CDH12: variants seen among roughly 807,000 people sequenced by gnomAD.
CDH12 encodes the protein cadherin-12.
Under a neutral mutation model 74.1 loss-of-function variants are expected in CDH12, and 41 were observed. The observed-to-expected ratio is 0.55, with a 90% CI of 0.43 to 0.72. CDH12 has a LOEUF of 0.72. Ranked by LOEUF, CDH12 falls within the 30% of genes least tolerant of loss-of-function variation. CDH12 has a pLI of 0.00. For synonymous variants in CDH12, 399 were observed against 355.0 expected (o/e 1.12, Z -1.39); for missense variants, 945 against 977.2 (o/e 0.97, Z 0.44).
intron 1 of CDH12, among the ~76,000 whole-genome samples, chr5:22,583,684 G>A (rs1284387046): frequency 1.3e-5 from 2 of 152,114 alleles, no homozygotes; most frequent in Middle Eastern, 3.2e-3. Flanking sequence ...ATTTTGAAAG[G>A]AGAATAAAAG....
Position 22,479,274 on chromosome 5 carries a change from C to T in CDH12, c.-428+25996G>A, listed in dbSNP as rs533370959. 1.3e-4 allele frequency among the ~76,000 whole-genome samples: 20 copies of T among 152,298 alleles called. 1 individual carries two copies. The South Asian group carries it at 2.9e-3, about 22-fold the overall frequency. The stretch of plus-strand genomic sequence containing the variant: ...ATTTTTGCATTCTTAATTTTGGTAA[C>T]AGTTCCTAGTGGACTATAACAAGTA... On this transcript the variant is annotated intron_variant, in intron 2 of 14. Transcript: ENST00000382254.
At chr5:22,743,072 A>T (rs1745108383) in intron 1 of CDH12, among the ~76,000 whole-genome samples, 1 of 151,434 alleles carries the variant, frequency 6.6e-6, no homozygotes, top group Non-Finnish European at 1.5e-5. Context: ...TCAAACCAAA[A>T]TATTAGCTCT....
At chr5:22,358,615 T>G (rs753708576) in intron 3 of CDH12, among the ~76,000 whole-genome samples, 12 of 152,206 alleles carry the variant, frequency 7.9e-5, no homozygotes, top group Non-Finnish European at 1.3e-4. Context: ...ATATATTCCT[T>G]TCCAAATGTG....
intron 6 of CDH12, among the ~76,000 whole-genome samples, chr5:21,922,938 G>GTATCTA (rs10644202): frequency 0.46 from 66,621 of 145,678 alleles, 15,486 homozygotes; most frequent in Admixed American, 0.51. Context: ...GTGTGTATGT[G>GTATCTA]TATCTATATC....
At chr5:22,850,749 C>T (rs938367587) in intron 1 of CDH12, among the ~76,000 whole-genome samples, 2 of 152,078 alleles carry the variant, frequency 1.3e-5, no homozygotes, top group Non-Finnish European at 2.9e-5. Context: ...AAGAAATTTA[C>T]AACAGAGTCT....
At chr5:21,763,982 C>G (rs1261885651) in intron 12 of CDH12, among the ~76,000 whole-genome samples, 2 of 152,096 alleles carry the variant, frequency 1.3e-5, no homozygotes, top group Non-Finnish European at 2.9e-5. Flanking sequence ...ATTTGTTGTG[C>G]AACTAATACA....
intron 3 of CDH12, among the ~76,000 whole-genome samples, chr5:22,387,652 G>A (rs1043124586): frequency 1.3e-5 from 2 of 152,144 alleles, no homozygotes; most frequent in Admixed American, 6.5e-5. Context: ...AATAGCACTG[G>A]ATTTAAGCAG....
chr5:21,898,571 G>A (rs911498225), intron 6 of CDH12, among the ~76,000 whole-genome samples: 4 of 151,934 alleles, frequency 2.6e-5, no homozygotes, highest in East Asian at 3.9e-4. Context: ...GCGTGGTGGC[G>A]GGCGCCTATA....
intron 4 of CDH12, among the ~76,000 whole-genome samples, chr5:22,147,587 C>T (rs1747279582): frequency 1.6e-5 from 2 of 127,544 alleles, no homozygotes; most frequent in South Asian, 2.3e-4. Context: ...GGTAGTTTAT[C>T]TTAAAAAAAA....
At chr5:22,657,727 C>T (rs190733029) in intron 1 of CDH12, among the ~76,000 whole-genome samples, 3 of 152,178 alleles carry the variant, frequency 2.0e-5, no homozygotes, top group African/African-American at 4.8e-5. Flanking sequence ...TATAAACTCA[C>T]GTGCTTTCAA....
At chr5:22,463,829 A>T (rs2662509) in intron 2 of CDH12, among the ~76,000 whole-genome samples, 65,063 of 151,976 alleles carry the variant, frequency 0.43, 14,391 homozygotes, top group Admixed American at 0.61. Context: ...GATAATTTTT[A>T]AAAACCCTAT....
In CDH12 at chr5:22,009,006, G is replaced by T. The variant is rs146819504; in HGVS notation, c.232-33621C>A. ...GTCTCATTTAGGGGTGCTAATCTAA[G>T]CTCTACCTGGACTATGTGGCCATAG... On this transcript the variant is annotated intron_variant, in intron 5 of 14. Transcript: ENST00000382254. Among the ~76,000 whole-genome samples the T allele has an allele frequency of 6.6e-5, 10 of 152,258 alleles. No homozygotes were observed. The East Asian group carries it at 1.5e-3, about 24-fold the overall frequency.
chr5:22,471,895 G>A (rs910857110), intron 2 of CDH12, among the ~76,000 whole-genome samples: 2 of 152,166 alleles, frequency 1.3e-5, no homozygotes, highest in Admixed American at 1.3e-4. Context: ...TTGTTAAAAT[G>A]CTAAGGAAGA....
chr5:22,239,631 T>C (rs1254124524), intron 3 of CDH12, among the ~76,000 whole-genome samples: 1 of 152,204 alleles, frequency 6.6e-6, no homozygotes, highest in Non-Finnish European at 1.5e-5. Context: ...AGACATTTTA[T>C]GGCTCTCATG....
intron 1 of CDH12, among the ~76,000 whole-genome samples, chr5:22,829,980 C>T (rs536300218): frequency 6.6e-6 from 1 of 152,284 alleles, no homozygotes; most frequent in African/African-American, 2.4e-5. Context: ...CAGCATAAAA[C>T]ATATGTACCA....
intron 4 of CDH12, among the ~76,000 whole-genome samples, chr5:22,096,744 A>G (rs558586579): frequency 1.8e-4 from 27 of 152,252 alleles, no homozygotes; most frequent in African/African-American, 6.5e-4. Flanking sequence ...ATCAAATATA[A>G]AAACGCAGCC....
At chr5:22,561,354 C>T (rs1739037186) in intron 1 of CDH12, among the ~76,000 whole-genome samples, 1 of 152,074 alleles carries the variant, frequency 6.6e-6, no homozygotes, top group Non-Finnish European at 1.5e-5. Context: ...ATTCCATTTT[C>T]CTTCCATCAG....
intron 4 of CDH12, among the ~76,000 whole-genome samples, chr5:22,131,143 T>A (rs1361846754): frequency 1.3e-5 from 2 of 152,130 alleles, no homozygotes; most frequent in African/African-American, 4.8e-5. Context: ...TTAAAGCTGC[T>A]ATGAACATTC....
chr5:22,281,534 A>G (rs1435406602), intron 3 of CDH12, among the ~76,000 whole-genome samples: 16 of 152,244 alleles, frequency 1.1e-4, no homozygotes, highest in Non-Finnish European at 2.9e-5. Context: ...GTCTCAGGAT[A>G]TAAAATCAAC....
Sources: gnomAD v4.1 joint callset for allele counts (sites outside exome capture counted in the v4.1 genomes callset) on GRCh38, gnomAD v4.1.1 for gene constraint, MANE v1.5 for transcripts, NCBI Gene and HGNC (gene_info 2026-07-23, HGNC 2026-07-21) for gene names.